RNF157: variants seen among roughly 807,000 people sequenced by gnomAD.
RNF157 encodes the protein ring finger protein 157.
RNF157 carries 55 observed loss-of-function variants against 88.3 expected under a neutral mutation model. The ratio of observed to expected loss-of-function variants is 0.62; its 90% CI spans 0.50 to 0.78. The LOEUF (loss-of-function observed/expected upper bound fraction) is 0.78, where lower values mean the gene tolerates loss of function less well. Ranked by LOEUF, RNF157 falls within the 30% of genes least tolerant of loss-of-function variation. The pLI, the probability that RNF157 is intolerant of heterozygous loss-of-function variation, is 0.00. For synonymous variants in RNF157, 334 were observed against 341.2 expected (o/e 0.98, Z 0.23); for missense variants, 788 against 860.8 (o/e 0.92, Z 1.06).
intron 3 of RNF157, among the ~76,000 whole-genome samples, chr17:76,172,640 ACT>A (rs1335230086): frequency 1.4e-5 from 2 of 145,866 alleles, no homozygotes; most frequent in Non-Finnish European, 3.0e-5. Flanking sequence ...AAAAGGCGAG[ACT>A]CTGTCTCAAA....
chr17:76,147,032 AG>A (rs2068595925), intron 18 of RNF157: 1 of 985,256 alleles, frequency 1.0e-6, no homozygotes, highest in Non-Finnish European at 1.2e-6. Context: ...CAGTGAGAAC[AG>A]GAGAGTCTTG....
At chr17:76,164,943 T>G in intron 7 of RNF157, 148 bp from the exon 8 acceptor site, 3 of 589,172 alleles carry the variant, frequency 5.1e-6, no homozygotes, top group Non-Finnish European at 9.2e-6. Context: ...AACCACTGTC[T>G]GAAAATATTA....
At chr17:76,155,796 T>TG in intron 14 of RNF157, 62 bp from the exon 15 acceptor site, 5 of 1,378,354 alleles carry the variant, frequency 3.6e-6, no homozygotes, top group East Asian at 2.5e-5. Flanking sequence ...GCAAGCTTTC[T>TG]GGGGAGCAGA....
Position 76,212,440 on chromosome 17 carries a change from A to G in RNF157, c.131T>C (p.Phe44Ser). 1 of 1,614,068 alleles carries G rather than the reference A, an allele frequency of 6.2e-7. No homozygotes were observed. The highest frequency in any genetic ancestry group is 1.1e-5 in the South Asian group (1 of 91,086). ...ASHFIMGGEK[F>S]DSTHPEGYLF... Reference sequence around the variant, plus strand: ...GTAACCTTCAGGATGAGTTGAGTCAAACTTCTCTCCTCCCATAATGAAGTG... The same window carrying G: ...GTAACCTTCAGGATGAGTTGAGTCAGACTTCTCTCCTCCCATAATGAAGTG... Residue 44 changes from phenylalanine to serine, a missense_variant, in exon 2 of 19, where the codon TTT becomes TCT. Physicochemically the swap from Phe to Ser is radical, Grantham distance 155. Coordinates refer to ENST00000269391, the MANE Select transcript of RNF157 (RefSeq NM_052916.3).
At chr17:76,168,268 T>C (rs976656205) in intron 3 of RNF157, among the ~76,000 whole-genome samples, 7 of 152,174 alleles carry the variant, frequency 4.6e-5, no homozygotes, top group Non-Finnish European at 8.8e-5. Context: ...CTTTCCTCAC[T>C]GTGCTCCATG....
chr17:76,188,422 C>T (rs1333919627), intron 2 of RNF157, among the ~76,000 whole-genome samples: 2 of 152,178 alleles, frequency 1.3e-5, no homozygotes, highest in African/African-American at 4.8e-5. Context: ...TTCTGCATTT[C>T]ATTAAGACCC....
intron 4 of RNF157, 60 bp downstream of exon 4, chr17:76,167,591 T>A (rs1480135426): frequency 9.3e-6 from 15 of 1,606,244 alleles, no homozygotes; most frequent in Non-Finnish European, 1.2e-5. Context: ...ATTCTGGAAC[T>A]CTTCCGTGGC....
chr17:76,161,677 A>G lies in RNF157; in HGVS notation c.953-30T>C, dbSNP rs1199465897. 1 of 1,573,188 alleles carries G rather than the reference A, an allele frequency of 6.4e-7. No homozygotes were observed. Among genetic ancestry groups the G allele is most frequent in the Admixed American group, 1.7e-5 (1 of 59,150 alleles). ...GAAGGAGAAAACAGGCAATCAGGACATCCTGATACAGGATTAAGAATGAAC... is the reference window on the plus strand; with the variant it reads ...GAAGGAGAAAACAGGCAATCAGGACGTCCTGATACAGGATTAAGAATGAAC... On this transcript the variant is annotated intron_variant, in intron 10 of 18. Transcript: ENST00000269391. This position sits in a 1 kb window ranked among gnomAD's most constrained non-coding sequence, Gnocchi z 4.6.
chr17:76,170,708 C>T (rs2068999720), intron 3 of RNF157, among the ~76,000 whole-genome samples: 1 of 152,102 alleles, frequency 6.6e-6, no homozygotes. Context: ...GATAATATCA[C>T]AGTATAAATT....
Position 76,154,290 on chromosome 17 carries a change from C to A in RNF157, c.1803G>T (p.Thr601=), listed in dbSNP as rs117130497. 11 of 1,610,038 alleles carry A rather than the reference C, an allele frequency of 6.8e-6. No homozygotes were observed. The highest frequency in any genetic ancestry group is 6.7e-5 in the Admixed American group (4 of 60,012). The change falls in exon 17 of 19, where the codon ACG becomes ACT. Residue 601 remains threonine (T), a synonymous_variant. Coordinates refer to ENST00000269391, the MANE Select transcript of RNF157 (RefSeq NM_052916.3). ...GACCAGATCTTTTACCACCTTCCTG[C>A]GTGGGTGATCCATCCTCTTCCTCTA... ...DVIEEEDGSP[T]QEGQRTCAFL... is the part of the protein sequence containing the mutation.
chr17:76,180,485 T>C (rs2069172313), intron 2 of RNF157, among the ~76,000 whole-genome samples: 2 of 152,190 alleles, frequency 1.3e-5, no homozygotes, highest in South Asian at 2.1e-4. Context: ...AAAAAGAGAA[T>C]GTAAGGAAAT....
At chr17:76,173,218 G>A (rs1008588165) in intron 3 of RNF157, among the ~76,000 whole-genome samples, 1 of 152,034 alleles carries the variant, frequency 6.6e-6, no homozygotes, top group African/African-American at 2.4e-5. Flanking sequence ...CCCTGGAGAT[G>A]GAGCGTGCAG....
At chr17:76,217,181 T>C (rs1222773888) in intron 1 of RNF157, among the ~76,000 whole-genome samples, 1 of 152,144 alleles carries the variant, frequency 6.6e-6, no homozygotes, top group East Asian at 1.9e-4. Context: ...TTGTTTGTTT[T>C]TGTTTTTCTG....
Position 76,172,039 on chromosome 17 carries a change from C to G in RNF157, c.296+1663G>C, listed in dbSNP as rs73358694. On this transcript the variant is annotated intron_variant, in intron 3 of 18. Coordinates refer to ENST00000269391, the MANE Select transcript of RNF157 (RefSeq NM_052916.3). ...CTGCTCTGCTGCTGGATGAACTCCCCTGGGTCAGGTCGGGGGACTGTTCTG... is the reference window on the plus strand; with the variant it reads ...CTGCTCTGCTGCTGGATGAACTCCCGTGGGTCAGGTCGGGGGACTGTTCTG... 1.9e-3 allele frequency among the ~76,000 whole-genome samples: 284 copies of G among 152,368 alleles called. 1 individual carries two copies. The highest frequency in any genetic ancestry group is 6.5e-3 in the African/African-American group (272 of 41,588).
intron 2 of RNF157, among the ~76,000 whole-genome samples, chr17:76,192,828 C>T (rs928751328): frequency 6.6e-6 from 1 of 150,768 alleles, no homozygotes; most frequent in African/African-American, 2.5e-5. Flanking sequence ...TTTCAGCTCT[C>T]CCACTTTCTT....
At chr17:76,199,621 T>C (rs2069538006) in intron 2 of RNF157, among the ~76,000 whole-genome samples, 1 of 140,798 alleles carries the variant, frequency 7.1e-6, no homozygotes, top group Non-Finnish European at 1.6e-5. Context: ...GCCACATCAA[T>C]ACTAATAGGT....
At position 76,212,385 on chromosome 17, in the gene RNF157, A is replaced by C; in HGVS notation, c.186T>G (p.Phe62Leu). ...ATACCACAACTGGTCTGTTCCCCAGAAAGTTCAGATCGCTGTTCTCTCCAA... is the reference window on the plus strand; with the variant it reads ...ATACCACAACTGGTCTGTTCCCCAGCAAGTTCAGATCGCTGTTCTCTCCAA... Reference protein sequence around the residue: ...YLFGENSDLNFLGNRPVVFPY... With the variant: ...YLFGENSDLNLLGNRPVVFPY... The change falls in exon 2 of 19, where the codon TTT (phenylalanine) becomes TTG (leucine). Residue 62 changes from phenylalanine to leucine, a missense_variant. Physicochemically the swap from Phe to Leu is conservative, Grantham distance 22 (BLOSUM62 0). Coordinates refer to ENST00000269391, the MANE Select transcript of RNF157 (RefSeq NM_052916.3). The C allele has an allele frequency of 1.9e-6, 3 of 1,612,940 alleles. No individual in the cohort carries two copies. The highest frequency in any genetic ancestry group is 2.5e-6 in the Non-Finnish European group (3 of 1,178,872).
chr17:76,183,157 G>A (rs867568512), intron 2 of RNF157, among the ~76,000 whole-genome samples: 5 of 150,010 alleles, frequency 3.3e-5, no homozygotes, highest in Non-Finnish European at 6.0e-5. Flanking sequence ...GGCTGGTCTC[G>A]AACTCCTGAC....
chr17:76,185,471 C>CTCTCTTTTTTT (rs1214764584), intron 2 of RNF157, among the ~76,000 whole-genome samples: 8 of 144,454 alleles, frequency 5.5e-5, no homozygotes, highest in African/African-American at 1.9e-4. Context: ...GAGATTAGTC[C>CTCTCTTTTTTT]TTTCTTTTTT....
Sources: allele counts gnomAD v4.1 joint callset (sites outside exome capture counted in the v4.1 genomes callset), GRCh38; gene constraint gnomAD v4.1.1; non-coding constraint Gnocchi (gnomAD v3.1); transcripts MANE v1.5; gene names NCBI Gene and HGNC (gene_info 2026-07-23, HGNC 2026-07-21).